ADRA1A: variants seen among roughly 807,000 people sequenced by gnomAD.
The protein encoded by ADRA1A is alpha-1A adrenergic receptor.
ADRA1A carries 31 observed loss-of-function variants against 29.6 expected under a neutral mutation model. The observed-to-expected ratio is 1.05, with a 90% confidence interval of 0.79 to 1.41. ADRA1A has a LOEUF of 1.41. Ranked by LOEUF, ADRA1A falls within the 40% of genes most tolerant of loss-of-function variation. The pLI, the probability that ADRA1A is intolerant of heterozygous loss-of-function variation, is 0.00. For missense variants in ADRA1A, 619 were observed against 601.1 expected, an observed-to-expected ratio of 1.03 and a Z score of -0.31; for synonymous variants, 311 against 254.3, an observed-to-expected ratio of 1.22 and a Z score of -2.12.
chr8:26,759,053 C>T (rs1029787413), intron 2 of ADRA1A, among the ~76,000 whole-genome samples: 5 of 152,160 alleles, frequency 3.3e-5, no homozygotes, highest in Admixed American at 6.5e-5. Context: ...AAAATGATTT[C>T]GTTGTCAGGA....
At chr8:26,777,838 G>A (rs1806664104) in intron 2 of ADRA1A, among the ~76,000 whole-genome samples, 4 of 152,328 alleles carry the variant, frequency 2.6e-5, no homozygotes, top group Admixed American at 2.6e-4. Context: ...AAGGAGACAG[G>A]CTCAGGGCAC....
At chr8:26,817,337 T>C (rs1809839819) in intron 2 of ADRA1A, among the ~76,000 whole-genome samples, 1 of 152,212 alleles carries the variant, frequency 6.6e-6, no homozygotes, top group South Asian at 2.1e-4. Flanking sequence ...AACAATGAGA[T>C]ACCATTTTAC....
intron 2 of ADRA1A, among the ~76,000 whole-genome samples, chr8:26,784,549 T>C (rs774538493): frequency 6.6e-5 from 10 of 152,156 alleles, no homozygotes; most frequent in Non-Finnish European, 1.3e-4. Context: ...CAGAAAAATG[T>C]TCATGAGAAG....
At position 26,823,402 on chromosome 8, in the gene ADRA1A, T is replaced by A. The variant is rs1413697869; in HGVS notation, c.883+40685A>T. On this transcript the variant is annotated intron_variant, in intron 2 of 2. Transcript: ENST00000380573. This position sits in a 1 kb window ranked among gnomAD's most constrained non-coding sequence, Gnocchi z 4.2. The stretch of plus-strand genomic sequence containing the variant: ...AATGGGAATGCACACCAGTGTAATA[T>A]CTTTGTCCCTGGTGAGCCGTATCTC... 6.6e-6 allele frequency among the ~76,000 whole-genome samples: 1 copy of A among 152,178 alleles called. No homozygotes were observed. The highest frequency in any genetic ancestry group is 2.4e-5 in the African/African-American group (1 of 41,438).
chr8:26,758,582 C>T (rs766431017), intron 2 of ADRA1A, among the ~76,000 whole-genome samples: 8 of 152,144 alleles, frequency 5.3e-5, no homozygotes, highest in African/African-American at 7.2e-5. Flanking sequence ...AGAGAGGTCA[C>T]GTGATTTGTT....
chr8:26,804,610 T>C (rs774275440), intron 2 of ADRA1A, among the ~76,000 whole-genome samples: 22 of 152,148 alleles, frequency 1.4e-4, no homozygotes, highest in Non-Finnish European at 3.2e-4. Context: ...ATGGATTCCA[T>C]GGGTGTCAGA....
intron 2 of ADRA1A, among the ~76,000 whole-genome samples, chr8:26,781,560 A>G (rs1030780839): frequency 1.3e-5 from 2 of 152,244 alleles, no homozygotes; most frequent in African/African-American, 4.8e-5. Flanking sequence ...GATCTTTCAG[A>G]TCTTCAAGAC....
chr8:26,854,432 G>GGC (rs1554512937), intron 2 of ADRA1A: 2 of 110,106 alleles, frequency 1.8e-5, no homozygotes, highest in Admixed American at 2.0e-4. Flanking sequence ...GCGGGGGGGG[G>GGC]GAGCAGGCAG....
At chr8:26,811,954 C>G (rs34693649) in intron 2 of ADRA1A, among the ~76,000 whole-genome samples, 13,624 of 152,192 alleles carry the variant, frequency 0.09, 935 homozygotes, top group East Asian at 0.33. Flanking sequence ...AATTTATTTA[C>G]CTATTCCACA....
At chr8:26,790,935 A>C (rs1807768771) in intron 2 of ADRA1A, among the ~76,000 whole-genome samples, 1 of 152,156 alleles carries the variant, frequency 6.6e-6, no homozygotes, top group Non-Finnish European at 1.5e-5. Flanking sequence ...AATTTTTACA[A>C]TCTGTGGTAT....
chr8:26,765,024 A>G (rs1432516538), downstream of ADRA1A, among the ~76,000 whole-genome samples: 1 of 152,196 alleles, frequency 6.6e-6, no homozygotes, highest in Admixed American at 6.5e-5. Flanking sequence ...AAAGGCAATT[A>G]TTTTGTCTTT....
intron 2 of ADRA1A, among the ~76,000 whole-genome samples, chr8:26,801,960 T>G (rs747483971): frequency 9.9e-5 from 15 of 152,252 alleles, no homozygotes; most frequent in Non-Finnish European, 1.9e-4. Flanking sequence ...GTGAACTCAT[T>G]TTTGACAAAG....
At chr8:26,766,344 G>A (rs112792668), downstream of ADRA1A, among the ~76,000 whole-genome samples, 605 of 152,282 alleles carry the variant, frequency 4.0e-3, 5 homozygotes, top group African/African-American at 0.013. Flanking sequence ...GGCCAATGTG[G>A]CCCCTTCTGC....
downstream of ADRA1A, among the ~76,000 whole-genome samples, chr8:26,766,660 AG>A (rs1805806707): frequency 6.6e-6 from 1 of 152,172 alleles, no homozygotes; most frequent in Non-Finnish European, 1.5e-5. Context: ...CTCTTGAGGA[AG>A]GGGGGCTATG....
At chr8:26,773,432 T>C (rs1806322800) in intron 2 of ADRA1A, among the ~76,000 whole-genome samples, 1 of 152,218 alleles carries the variant, frequency 6.6e-6, no homozygotes, top group Non-Finnish European at 1.5e-5. Flanking sequence ...CAATATTTCC[T>C]ACTAATAGTG....
downstream of ADRA1A, among the ~76,000 whole-genome samples, chr8:26,761,382 C>A (rs762945736): frequency 7.2e-4 from 109 of 152,162 alleles, no homozygotes; most frequent in Non-Finnish European, 1.2e-3. Context: ...GAGTCTCCTA[C>A]AGATTCCTAT....
chr8:26,750,009 A>C (rs1439316155), intron 2 of ADRA1A, among the ~76,000 whole-genome samples: 2 of 152,210 alleles, frequency 1.3e-5, no homozygotes, highest in African/African-American at 4.8e-5. Context: ...TGCTGTAACA[A>C]AATAACATAA....
At chr8:26,829,055 G>A (rs763920345) in intron 2 of ADRA1A, among the ~76,000 whole-genome samples, 6 of 152,142 alleles carry the variant, frequency 3.9e-5, no homozygotes, top group South Asian at 4.1e-4. Flanking sequence ...TTGTAAAAGC[G>A]TCACATGGCA....
rs768086317 is a variant in ADRA1A, at chr8:26,864,043, G to A, written c.883+44C>T. ...TCTGGGGTAACAGAAGCCGAGGAGG[G>A]TGAAGACCCCCAGATGCTAAAGTGA... is the stretch of plus-strand genomic sequence containing the variant. On this transcript the variant is annotated intron_variant, in intron 2 of 2. Coordinates refer to ENST00000380573, the MANE Select transcript of ADRA1A (RefSeq NM_000680.4). This position sits in a 1 kb window ranked among gnomAD's most constrained non-coding sequence, Gnocchi z 8.1. 1 of 1,557,660 alleles carries A rather than the reference G, an allele frequency of 6.4e-7. No individual in the cohort carries two copies.
Sources: allele counts gnomAD v4.1 joint callset (sites outside exome capture counted in the v4.1 genomes callset), GRCh38; gene constraint gnomAD v4.1.1; non-coding constraint Gnocchi (gnomAD v3.1); transcripts MANE v1.5; gene names NCBI Gene and HGNC (gene_info 2026-07-23, HGNC 2026-07-21).